The following PTK7 variants were observed in gnomAD, a reference collection of about 807,000 sequenced individuals.
The protein encoded by PTK7 is protein tyrosine kinase 7 (inactive), also known as inactive tyrosine-protein kinase 7.
PTK7 carries 39 observed loss-of-function variants against 116.6 expected under a neutral mutation model. That is an observed-to-expected ratio of 0.33 (90% CI 0.26 to 0.44). PTK7 has a LOEUF of 0.44. Among genes scored for constraint, PTK7 ranks in the 20% least tolerant of loss-of-function variants. The pLI is 1.00. For missense variants in PTK7, 1,169 were observed against 1,425.6 expected (o/e 0.82, Z 2.90); for synonymous variants, 546 against 563.6 (o/e 0.97, Z 0.44).
At position 43,129,291 on chromosome 6, in the gene PTK7, T is replaced by G. The variant is rs772009052; in HGVS notation, c.367+27T>G. The G allele has an allele frequency of 1.2e-5, 20 of 1,612,414 alleles. No homozygotes were observed. The South Asian group carries it at 2.2e-4, about 18-fold the overall frequency. On this transcript the variant is annotated intron_variant, in intron 2 of 19. Transcript: ENST00000230419. The surrounding 1 kb of genome is among the most constrained non-coding windows in gnomAD (Gnocchi z 4.5). ...TGAGAGCCAGGGGGGCTGTGCCCAG[T>G]CCCCCTGTCAGACCCTCAATGACTG...
At position 43,132,975 on chromosome 6, in the gene PTK7, C is replaced by T. The variant is rs1029873245; in HGVS notation, c.1228+288C>T. On this transcript the variant is annotated intron_variant, in intron 7 of 19. Transcript: ENST00000230419. Reference sequence around the variant, plus strand: ...ATCTAGAGACCTGGGTCCCACTATGCTCCCAATGCACAGAGTGACGATGGT... The same window carrying T: ...ATCTAGAGACCTGGGTCCCACTATGTTCCCAATGCACAGAGTGACGATGGT... 3.3e-5 allele frequency: 19 copies of T among 571,914 alleles called. No individual in the cohort carries two copies. In the African/African-American group the frequency reaches 3.4e-4, roughly 10 times the overall value. The allele number at this position is 571,914 out of a possible 1,614,324, so 35.4% of individuals were successfully genotyped here.
At chr6:43,108,591 G>A (rs1030727684) in intron 1 of PTK7, among the ~76,000 whole-genome samples, 2 of 151,658 alleles carry the variant, frequency 1.3e-5, no homozygotes, top group African/African-American at 4.9e-5. Context: ...TTGTAGAGAC[G>A]GGGTTTTACC....
At chr6:43,132,233 G>T in intron 6 of PTK7, 69 bp downstream of exon 6, 1 of 1,539,368 alleles carries the variant, frequency 6.5e-7, no homozygotes. Context: ...TAGAGATTTA[G>T]GCTTCTGTTT....
At chr6:43,144,044 TC>T (rs1186874169) in intron 14 of PTK7, among the ~76,000 whole-genome samples, 2 of 152,354 alleles carry the variant, frequency 1.3e-5, no homozygotes, top group East Asian at 3.9e-4. Context: ...GCTGGGTCTC[TC>T]CTATCAGCTC....
At chr6:43,109,419 G>A (rs774873583) in intron 1 of PTK7, among the ~76,000 whole-genome samples, 13 of 151,978 alleles carry the variant, frequency 8.6e-5, no homozygotes, top group Non-Finnish European at 1.6e-4. Flanking sequence ...ATGATAAGAT[G>A]GAGTTCTAGG....
chr6:43,138,654 C>A (rs1014500672), intron 7 of PTK7, 195 bp from the exon 8 acceptor site: 10 of 608,658 alleles, frequency 1.6e-5, no homozygotes, highest in Non-Finnish European at 2.7e-5. Context: ...AGAGTGAGAA[C>A]CTGTCTTAAA....
chr6:43,137,066 G>C (rs1436634983), intron 7 of PTK7, among the ~76,000 whole-genome samples: 1 of 152,186 alleles, frequency 6.6e-6, no homozygotes, highest in Non-Finnish European at 1.5e-5. Flanking sequence ...ACATTGAAAA[G>C]AGTTGAAAGG....
Position 43,161,092 on chromosome 6 carries a change from A to G in PTK7, c.*211A>G. The G allele has an allele frequency of 6.0e-6, 4 of 668,502 alleles. No homozygotes were observed. The highest frequency in any genetic ancestry group is 9.6e-6 in the Non-Finnish European group (4 of 415,304). 41.4% of individuals were successfully genotyped at this position (668,502 alleles called of 1,614,324 possible). A position where few individuals can be genotyped will look rare whatever the true frequency, so the allele number is the denominator to read the frequency against. On this transcript the variant is annotated 3_prime_UTR_variant, in exon 20 of 20. Coordinates refer to ENST00000230419, the MANE Select transcript of PTK7 (RefSeq NM_002821.5). ...TGACTTGGACCCAAACTGGGCGACTAGGGCTTTGAGCTGGGCAGTTTTCCC... is the reference window on the plus strand; with the variant it reads ...TGACTTGGACCCAAACTGGGCGACTGGGGCTTTGAGCTGGGCAGTTTTCCC...
At position 43,144,454 on chromosome 6, in the gene PTK7, G is replaced by A. The variant is rs142952932; in HGVS notation, c.2255G>A (p.Gly752Glu). The A allele has an allele frequency of 1.9e-6, 3 of 1,614,138 alleles. No homozygotes were observed. The highest frequency in any genetic ancestry group is 1.7e-6 in the Non-Finnish European group (2 of 1,180,016). Residue 752 changes from glycine (G) to glutamate (E), a missense_variant, in exon 15 of 20, where the codon GGG becomes GAG. Gly to Glu is a moderately conservative substitution (Grantham distance 98). Around this residue, in one of 3 missense-constraint regions of PTK7, gnomAD observed 678 missense variants for 853.8 expected, o/e 0.79. Transcript: ENST00000230419. ...CTCTTGTCCTCCTCCTTCCCAGGTG[G>A]GCCTTTGCAGAACGGGCAGCCCTCA... ...EEPEMECLNG[G>E]PLQNGQPSAE...
intron 1 of PTK7, among the ~76,000 whole-genome samples, chr6:43,082,451 C>T (rs1766432783): frequency 6.6e-6 from 1 of 152,200 alleles, no homozygotes; most frequent in African/African-American, 2.4e-5. Flanking sequence ...GCTGGGATTA[C>T]AGGCGTGAGC....
At chr6:43,160,597 C>T (rs1028439143) in intron 19 of PTK7, 124 bp from the exon 20 acceptor site, 3 of 1,266,566 alleles carry the variant, frequency 2.4e-6, no homozygotes, top group Non-Finnish European at 3.3e-6. Context: ...ACCCACCTGC[C>T]GCTGGCCAGC....
Position 43,076,986 on chromosome 6 carries a change from G to C in PTK7, c.79+419G>C, listed in dbSNP as rs1346488557. Reference sequence around the variant, plus strand: ...CACCCCACCCGGCAGGGTCGGCCCAGGTAAGAGTTGCTGGTTTGGGGCCCG... The same window carrying C: ...CACCCCACCCGGCAGGGTCGGCCCACGTAAGAGTTGCTGGTTTGGGGCCCG... On this transcript the variant is annotated intron_variant, in intron 1 of 19. Coordinates refer to ENST00000230419, the MANE Select transcript of PTK7 (RefSeq NM_002821.5). This position sits in a 1 kb window ranked among gnomAD's most constrained non-coding sequence, Gnocchi z 5.7. The C allele has an allele frequency of 6.8e-7, 1 of 1,480,214 alleles. No individual in the cohort carries two copies. Among genetic ancestry groups the C allele is most frequent in the Admixed American group, 2.2e-5 (1 of 45,276 alleles). The allele number at this position is 1,480,214 out of a possible 1,614,324, so 91.7% of individuals were successfully genotyped here.
chr6:43,158,133 C>A (rs1337376149), intron 17 of PTK7, among the ~76,000 whole-genome samples: 1 of 151,820 alleles, frequency 6.6e-6, no homozygotes, highest in East Asian at 1.9e-4. Context: ...CTCGTCTCTA[C>A]TAAAAATACA....
Position 43,143,628 on chromosome 6 carries a change from G to A in PTK7, c.2251+8G>A. 4 of 1,608,846 alleles carry A rather than the reference G, an allele frequency of 2.5e-6. No homozygotes were observed. Among genetic ancestry groups the A allele is most frequent in the Non-Finnish European group, 2.5e-6 (3 of 1,178,786 alleles). On this transcript the variant is annotated splice_region_variant and intron_variant, in intron 14 of 19. Coordinates refer to ENST00000230419, the MANE Select transcript of PTK7 (RefSeq NM_002821.5). This position sits in a 1 kb window ranked among gnomAD's most constrained non-coding sequence, Gnocchi z 4.2. ...AGATGGAATGCCTCAACGGTGAGGG[G>A]CCCTGGACGGGGAGGTGGTGCCCGT...
chr6:43,118,653 C>CTATA (rs1197539421), intron 1 of PTK7, among the ~76,000 whole-genome samples: 7 of 79,380 alleles, frequency 8.8e-5, no homozygotes, highest in Admixed American at 1.4e-4. Flanking sequence ...CTCTCTCTCT[C>CTATA]TCTCTCTATA....
At chr6:43,119,762 C>A (rs1436856747) in intron 1 of PTK7, among the ~76,000 whole-genome samples, 1 of 152,212 alleles carries the variant, frequency 6.6e-6, no homozygotes, top group Admixed American at 6.5e-5. Context: ...AGGCTCCTCA[C>A]TGGCGTCTTC....
intron 1 of PTK7, among the ~76,000 whole-genome samples, chr6:43,080,439 A>G (rs528961618): frequency 1.3e-5 from 2 of 152,292 alleles, no homozygotes; most frequent in South Asian, 2.1e-4. Context: ...TTTAATTTGT[A>G]TTCTTTTTTA....
intron 1 of PTK7, among the ~76,000 whole-genome samples, chr6:43,113,198 G>A (rs1481520352): frequency 3.3e-5 from 5 of 152,104 alleles, no homozygotes; most frequent in Admixed American, 6.6e-5. Flanking sequence ...TGGGGAGGTC[G>A]AGGCGAGTGG....
At chr6:43,159,707 C>A in intron 18 of PTK7, 81 bp from the exon 19 acceptor site, 2 of 1,446,722 alleles carry the variant, frequency 1.4e-6, no homozygotes, top group African/African-American at 1.4e-5. Flanking sequence ...CTTGGGGATG[C>A]GTTCCAGATG....
Sources: gnomAD v4.1 joint callset for allele counts (sites outside exome capture counted in the v4.1 genomes callset) on GRCh38, gnomAD v4.1.1 for gene constraint, gnomAD v4.1.1 regional missense constraint, Gnocchi (gnomAD v3.1) non-coding constraint, MANE v1.5 for transcripts, NCBI Gene and HGNC (gene_info 2026-07-23, HGNC 2026-07-21) for gene names.